Variants in NLGN1 observed in about 807,000 individuals in gnomAD.
NLGN1 encodes the protein neuroligin 1, also known as neuroligin-1.
Under a neutral mutation model 65.5 loss-of-function variants are expected in NLGN1, and 12 were observed. The ratio of observed to expected loss-of-function variants is 0.18; its 90% confidence interval spans 0.12 to 0.30. The LOEUF (loss-of-function observed/expected upper bound fraction) is 0.30, where lower values mean the gene tolerates loss of function less well. Ranked by LOEUF, NLGN1 falls within the 10% of genes least tolerant of loss-of-function variation. The probability of loss-of-function intolerance (pLI) is 1.00; values close to 1 mark genes in which losing one functional copy is unlikely to be tolerated. For missense variants in NLGN1, 750 were observed against 1,007.1 expected, an observed-to-expected ratio of 0.74 and a Z score of 3.46; for synonymous variants, 350 against 359.5, an observed-to-expected ratio of 0.97 and a Z score of 0.30.
chr3:173,962,928 T>C (rs1464319657), intron 4 of NLGN1, among the ~76,000 whole-genome samples: 4 of 152,150 alleles, frequency 2.6e-5, no homozygotes, highest in African/African-American at 9.7e-5. Flanking sequence ...AATGCTAATT[T>C]AGTAAATCAG....
intron 2 of NLGN1, among the ~76,000 whole-genome samples, chr3:173,474,284 C>T (rs185618142): frequency 6.6e-6 from 1 of 152,144 alleles, no homozygotes; most frequent in Non-Finnish European, 1.5e-5. Context: ...TGAAAGACTT[C>T]TCCTTCTTAG....
intron 5 of NLGN1, 77 bp downstream of exon 5, chr3:174,275,604 A>T (rs1467719782): frequency 5.9e-6 from 5 of 841,092 alleles, no homozygotes; most frequent in Non-Finnish European, 9.9e-6. Context: ...GATGCTCTGT[A>T]TATTTCTCTG....
At chr3:173,515,589 G>A (rs1007307631) in intron 2 of NLGN1, among the ~76,000 whole-genome samples, 7 of 151,982 alleles carry the variant, frequency 4.6e-5, no homozygotes, top group African/African-American at 9.7e-5. Flanking sequence ...GTTTTACCCA[G>A]TGTTTCTTCT....
intron 4 of NLGN1, among the ~76,000 whole-genome samples, chr3:174,135,472 G>A (rs1052827872): frequency 3.3e-5 from 5 of 152,084 alleles, no homozygotes; most frequent in Non-Finnish European, 5.9e-5. Context: ...TCTAACCCTC[G>A]AGAGATGTTA....
intron 4 of NLGN1, among the ~76,000 whole-genome samples, chr3:174,227,615 A>G (rs1014637857): frequency 6.6e-6 from 1 of 152,050 alleles, no homozygotes. Context: ...AGGCCCTCAT[A>G]ATTTATCTAA....
chr3:173,636,923 T>A (rs1756682363), intron 3 of NLGN1, among the ~76,000 whole-genome samples: 1 of 152,160 alleles, frequency 6.6e-6, no homozygotes, highest in South Asian at 2.1e-4. Context: ...GGTATCTCCT[T>A]ATAAGACAGT....
intron 2 of NLGN1, among the ~76,000 whole-genome samples, chr3:173,522,668 A>C (rs556229771): frequency 1.4e-4 from 21 of 152,118 alleles, no homozygotes; most frequent in African/African-American, 2.4e-4. Context: ...CTCCTGACCT[A>C]GTGATCCACC....
chr3:173,612,898 T>C (rs2149476620), intron 3 of NLGN1, among the ~76,000 whole-genome samples: 1 of 152,206 alleles, frequency 6.6e-6, no homozygotes, highest in South Asian at 2.1e-4. Context: ...GGCTGTCTTC[T>C]CCCTGTGTCT....
intron 4 of NLGN1, among the ~76,000 whole-genome samples, chr3:174,092,811 C>G (rs1177881478): frequency 6.6e-6 from 1 of 152,090 alleles, no homozygotes; most frequent in Non-Finnish European, 1.5e-5. Flanking sequence ...AATGATTATT[C>G]AAAAGTTAGG....
chr3:173,427,063 T>C (rs1214485097), intron 1 of NLGN1, among the ~76,000 whole-genome samples: 1 of 152,032 alleles, frequency 6.6e-6, no homozygotes, highest in Non-Finnish European at 1.5e-5. Context: ...GATTGTATGC[T>C]TCTAAGAATT....
At chr3:174,232,701 G>A (rs1452104991) in intron 4 of NLGN1, among the ~76,000 whole-genome samples, 1 of 152,110 alleles carries the variant, frequency 6.6e-6, no homozygotes, top group Non-Finnish European at 1.5e-5. Flanking sequence ...GCCGAAAACA[G>A]GTAAATTAAG....
At chr3:173,563,542 G>C (rs954633193) in intron 2 of NLGN1, among the ~76,000 whole-genome samples, 1 of 152,172 alleles carries the variant, frequency 6.6e-6, no homozygotes, top group Non-Finnish European at 1.5e-5. Flanking sequence ...AGACCCGCCA[G>C]CATTACCAGG....
At chr3:174,262,716 C>T (rs1357483353) in intron 4 of NLGN1, among the ~76,000 whole-genome samples, 36 of 141,676 alleles carry the variant, frequency 2.5e-4, no homozygotes, top group South Asian at 4.7e-4. Flanking sequence ...TTATTTCTTG[C>T]CTTCTGCTAG....
chr3:173,537,797 T>C (rs1009419488), intron 2 of NLGN1, among the ~76,000 whole-genome samples: 2 of 152,144 alleles, frequency 1.3e-5, no homozygotes, highest in African/African-American at 4.8e-5. Context: ...CATAGTGATA[T>C]CAAGAGATGC....
intron 2 of NLGN1, among the ~76,000 whole-genome samples, chr3:173,578,897 C>T (rs1408989414): frequency 1.3e-5 from 2 of 152,256 alleles, no homozygotes; most frequent in East Asian, 1.9e-4. Context: ...TTAGCTAAAA[C>T]ATTTGAAATT....
At chr3:174,003,002 G>C (rs1377631609) in intron 4 of NLGN1, among the ~76,000 whole-genome samples, 1 of 152,186 alleles carries the variant, frequency 6.6e-6, no homozygotes, top group Non-Finnish European at 1.5e-5. Flanking sequence ...AAGGCATGCA[G>C]AAAAGAGTTG....
At chr3:173,957,609 C>T (rs1352509010) in intron 4 of NLGN1, among the ~76,000 whole-genome samples, 1 of 152,148 alleles carries the variant, frequency 6.6e-6, no homozygotes, top group African/African-American at 2.4e-5. Context: ...GAGATATCAG[C>T]ATTATTTAGA....
intron 4 of NLGN1, among the ~76,000 whole-genome samples, chr3:173,995,696 C>CT (rs1254819372): frequency 9.6e-6 from 1 of 104,400 alleles, no homozygotes; most frequent in Non-Finnish European, 2.0e-5. Flanking sequence ...TTATTTTTAG[C>CT]TTTTTTTAGA....
intron 3 of NLGN1, among the ~76,000 whole-genome samples, chr3:173,793,623 A>C (rs1316914828): frequency 6.6e-6 from 1 of 152,164 alleles, no homozygotes; most frequent in Non-Finnish European, 1.5e-5. Context: ...ATATTTATAA[A>C]ATTTCAGAAG....
Sources: gnomAD v4.1 joint callset for allele counts (sites outside exome capture counted in the v4.1 genomes callset) on GRCh38, gnomAD v4.1.1 for gene constraint, MANE v1.5 for transcripts, NCBI Gene and HGNC (gene_info 2026-07-23, HGNC 2026-07-21) for gene names.